The following WNT7B variants were observed in gnomAD, a reference collection of about 807,000 sequenced individuals.
The protein encoded by WNT7B is protein Wnt-7b.
A neutral mutation model predicts 38.2 loss-of-function variants in WNT7B; 19 were observed. That is an observed-to-expected ratio of 0.50 (90% CI 0.35 to 0.73). The LOEUF is 0.73. Among genes scored for constraint, WNT7B ranks in the 30% least tolerant of loss-of-function variants. The probability of loss-of-function intolerance (pLI) is 0.01; values close to 1 mark genes in which losing one functional copy is unlikely to be tolerated. For synonymous variants in WNT7B, 243 were observed against 209.3 expected (o/e 1.16, Z -1.39); for missense variants, 423 against 507.9 (o/e 0.83, Z 1.61).
Position 45,956,142 on chromosome 22 carries a change from A to G in WNT7B, c.72-5996T>C, listed in dbSNP as rs188285036. ...TGCAGGGTTAGCCAGGTACCAGGCC[A>G]GCCCCACAGCCCTGGGGTGCCTGAG... On this transcript the variant is annotated intron_variant, in intron 1 of 3. Coordinates refer to ENST00000339464, the MANE Select transcript of WNT7B (RefSeq NM_058238.3). 4.4e-3 allele frequency among the ~76,000 whole-genome samples: 672 copies of G among 152,332 alleles called. 1 individual carries two copies. Among genetic ancestry groups the G allele is most frequent in the Non-Finnish European group, 7.6e-3 (515 of 68,018 alleles).
At chr22:45,932,825 G>C (rs1489666016) in intron 2 of WNT7B, among the ~76,000 whole-genome samples, 1 of 152,204 alleles carries the variant, frequency 6.6e-6, no homozygotes, top group Admixed American at 6.5e-5. Flanking sequence ...AGGGCAGCTG[G>C]AGACTCACAC....
intron 3 of WNT7B, 53 bp downstream of exon 3, chr22:45,931,045 G>A (rs1397320275): frequency 5.6e-5 from 84 of 1,512,086 alleles, no homozygotes; most frequent in East Asian, 6.9e-5. Flanking sequence ...AGAGGTCAGC[G>A]GGTGATACAG....
In WNT7B at chr22:45,931,162, G is replaced by GCGT; in HGVS notation, c.503_505dup (p.Asp168dup). On this transcript the variant is annotated inframe_insertion, in exon 3 of 4. Transcript: ENST00000339464. ...CCGCGCGTTCTTCTTGATCTCCCGA[G>GCGT]CGTCCACGAAGCGCCGGGAGAAGTC... 1 of 1,599,460 alleles carries GCGT rather than the reference G, an allele frequency of 6.3e-7. No individual in the cohort carries two copies. The highest frequency in any genetic ancestry group is 8.5e-7 in the Non-Finnish European group (1 of 1,179,326).
chr22:45,964,350 C>T (rs1259559022), intron 1 of WNT7B, among the ~76,000 whole-genome samples: 2 of 152,120 alleles, frequency 1.3e-5, no homozygotes, highest in Admixed American at 6.5e-5. Flanking sequence ...AGGCGGGTGA[C>T]AACCTTGCTG....
chr22:45,968,435 A>G (rs1358167415), intron 1 of WNT7B, among the ~76,000 whole-genome samples: 2 of 152,190 alleles, frequency 1.3e-5, no homozygotes, highest in African/African-American at 4.8e-5. Flanking sequence ...GAGAGGGAAG[A>G]GCTGGGCCTT....
intron 2 of WNT7B, among the ~76,000 whole-genome samples, chr22:45,943,466 C>T (rs995684880): frequency 2.6e-5 from 4 of 152,250 alleles, no homozygotes; most frequent in Non-Finnish European, 5.9e-5. Context: ...GAGTTTTCCC[C>T]AGCCCTGAGG....
intron 2 of WNT7B, chr22:45,936,184 G>C: frequency 1.0e-6 from 1 of 985,268 alleles, no homozygotes; most frequent in Non-Finnish European, 1.2e-6. Flanking sequence ...GCTATCTCTG[G>C]TGCCTCGGCA....
chr22:45,935,294 C>G (rs990650177), intron 2 of WNT7B, among the ~76,000 whole-genome samples: 1 of 152,212 alleles, frequency 6.6e-6, no homozygotes, highest in African/African-American at 2.4e-5. Flanking sequence ...GAGACGACTT[C>G]CAGTGCCTTG....
Position 45,920,409 on chromosome 22 carries a change from G to A in WNT7B, c.*2447C>T, listed in dbSNP as rs1339476849. ...TATTGGGCCGAGCACTCCCCTCCAG[G>A]GGAGGCTGCCGTCAGAAGGGTGGGG... is the stretch of plus-strand genomic sequence containing the variant. On this transcript the variant is annotated 3_prime_UTR_variant, in exon 4 of 4. Transcript: ENST00000339464. 1 of 152,168 alleles carries A rather than the reference G, an allele frequency of 6.6e-6. No homozygotes were observed. Among genetic ancestry groups the A allele is most frequent in the Non-Finnish European group, 1.5e-5 (1 of 68,060 alleles). The allele number at this position is 152,168 out of a possible 1,614,324, so 9.4% of individuals were successfully genotyped here. A position where few individuals can be genotyped will look rare whatever the true frequency, so the allele number is the denominator to read the frequency against.
intron 2 of WNT7B, among the ~76,000 whole-genome samples, chr22:45,949,469 C>T (rs557112575): frequency 2.0e-4 from 31 of 152,288 alleles, no homozygotes; most frequent in South Asian, 8.3e-4. Context: ...CTTCCTGTGC[C>T]CCAACTACCC....
chr22:45,940,854 C>G lies in WNT7B; in HGVS notation c.298+9066G>C, dbSNP rs140434951. On this transcript the variant is annotated intron_variant, in intron 2 of 3. Coordinates refer to ENST00000339464, the MANE Select transcript of WNT7B (RefSeq NM_058238.3). ...GAACACAGGTTCAGGGAACAGTGCTCCAGGCAGAGGGAACAGCAATGCAAA... is the reference window on the plus strand; with the variant it reads ...GAACACAGGTTCAGGGAACAGTGCTGCAGGCAGAGGGAACAGCAATGCAAA... Among the ~76,000 whole-genome samples, 518 of 152,248 alleles carry G rather than the reference C, an allele frequency of 3.4e-3. 3 individuals are homozygous for G. The highest frequency in any genetic ancestry group is 0.012 in the African/African-American group (492 of 41,538).
intron 3 of WNT7B, among the ~76,000 whole-genome samples, chr22:45,924,817 A>C (rs1000497172): frequency 2.1e-5 from 3 of 142,578 alleles, no homozygotes; most frequent in Non-Finnish European, 3.0e-5. Context: ...GGGGGGCCCA[A>C]AGGCTCATCA....
Position 45,949,944 on chromosome 22 carries a change from C to T in WNT7B, c.274G>A (p.Val92Ile), listed in dbSNP as rs746883964. ...CCTACTCGGAGCTCTTGCCCGAAGACGGTCTTCTCGCCGAGGGCAGAGCAG... is the reference window on the plus strand; with the variant it reads ...CCTACTCGGAGCTCTTGCCCGAAGATGGTCTTCTCGCCGAGGGCAGAGCAG... ...WNCSALGEKTVFGQELRVGSR... is the reference protein window; with the variant it reads ...WNCSALGEKTIFGQELRVGSR... The change falls in exon 2 of 4, where the codon GTC becomes ATC. Residue 92 changes from valine to isoleucine, a missense_variant. Physicochemically the swap from Val to Ile is conservative, Grantham distance 29. Around this residue, in one of 3 missense-constraint regions of WNT7B, gnomAD observed 133 missense variants for 179.8 expected, o/e 0.74. Coordinates refer to ENST00000339464, the MANE Select transcript of WNT7B (RefSeq NM_058238.3). 11 of 1,609,942 alleles carry T rather than the reference C, an allele frequency of 6.8e-6. No individual in the cohort carries two copies. Among genetic ancestry groups the T allele is most frequent in the Middle Eastern group, 1.7e-4 (1 of 6,056 alleles).
In WNT7B at chr22:45,975,475, G is replaced by T. The variant is rs544390906; in HGVS notation, c.71+1209C>A. Reference sequence around the variant, plus strand: ...AGACCTGCAGGGCTCAGGCTAGGACGGGGGCTTCCAGTCCTGCCTCTGAAG... The same window carrying T: ...AGACCTGCAGGGCTCAGGCTAGGACTGGGGCTTCCAGTCCTGCCTCTGAAG... On this transcript the variant is annotated intron_variant, in intron 1 of 3. Coordinates refer to ENST00000339464, the MANE Select transcript of WNT7B (RefSeq NM_058238.3). This position sits in a 1 kb window ranked among gnomAD's most constrained non-coding sequence, Gnocchi z 6.6. 5.6e-6 allele frequency: 4 copies of T among 709,276 alleles called. No individual in the cohort carries two copies. The highest frequency in any genetic ancestry group is 4.5e-5 in the South Asian group (3 of 66,504). 43.9% of individuals were successfully genotyped at this position (709,276 alleles called of 1,614,324 possible). A position where few individuals can be genotyped will look rare whatever the true frequency, so the allele number is the denominator to read the frequency against.
At position 45,923,219 on chromosome 22, in the gene WNT7B, C is replaced by T. The variant is rs1930981461; in HGVS notation, c.687G>A (p.Lys229=). The T allele has an allele frequency of 1.2e-6, 2 of 1,613,092 alleles. No homozygotes were observed. The highest frequency in any genetic ancestry group is 1.7e-6 in the Non-Finnish European group (2 of 1,179,996). Residue 229 remains lysine (K), a synonymous_variant, in exon 4 of 4, where the codon AAG becomes AAA. Coordinates refer to ENST00000339464, the MANE Select transcript of WNT7B (RefSeq NM_058238.3). ...PKFREVGHLL[K]EKYNAAVQVE... is the part of the protein sequence containing the mutation. ...CCTGCACGGCCGCGTTGTACTTCTCCTTCAGCAGGTGGCCCACCTCTCGGA... is the reference window on the plus strand; with the variant it reads ...CCTGCACGGCCGCGTTGTACTTCTCTTTCAGCAGGTGGCCCACCTCTCGGA...
rs1319128255 is a variant in WNT7B at position 45,931,113 on chromosome 22, A to G, written c.555T>C (p.Asn185=). Residue 185 remains asparagine, a synonymous_variant, in exon 3 of 4, where the codon AAT becomes AAC. Transcript: ENST00000339464. Reference sequence around the variant, plus strand: ...CGCACCCTACCTTCCTGCCGGCCTCATTGTTATGCAGGTTCATGAGGCGCC... The same window carrying G: ...CGCACCCTACCTTCCTGCCGGCCTCGTTGTTATGCAGGTTCATGAGGCGCC... ...NARRLMNLHN[N]EAGRKVLEDR... The G allele has an allele frequency of 3.8e-6, 6 of 1,580,574 alleles. No individual in the cohort carries two copies. The highest frequency in any genetic ancestry group is 1.7e-5 in the Admixed American group (1 of 58,994).
intron 2 of WNT7B, among the ~76,000 whole-genome samples, chr22:45,948,278 G>A (rs1232477781): frequency 6.6e-6 from 1 of 152,202 alleles, no homozygotes; most frequent in Non-Finnish European, 1.5e-5. Context: ...CCACTGGGGT[G>A]GATGGGCAGC....
intron 3 of WNT7B, among the ~76,000 whole-genome samples, chr22:45,929,390 A>ATCCATCCT (rs889393867): frequency 6.9e-6 from 1 of 144,794 alleles, no homozygotes; most frequent in South Asian, 2.1e-4. Context: ...CCACTCACCC[A>ATCCATCCT]TCCATCCTTC....
At chr22:45,948,384 C>T (rs923973506) in intron 2 of WNT7B, among the ~76,000 whole-genome samples, 12 of 152,264 alleles carry the variant, frequency 7.9e-5, no homozygotes, top group Middle Eastern at 3.4e-3. Context: ...CTGTGCCAGG[C>T]GCCACCCACA....
Sources: gnomAD v4.1 joint callset for allele counts (sites outside exome capture counted in the v4.1 genomes callset) on GRCh38, gnomAD v4.1.1 for gene constraint, gnomAD v4.1.1 regional missense constraint, Gnocchi (gnomAD v3.1) non-coding constraint, MANE v1.5 for transcripts, NCBI Gene and HGNC (gene_info 2026-07-23, HGNC 2026-07-21) for gene names.